Variants in CUX1 observed in about 807,000 individuals in gnomAD.
CUX1 encodes the protein cut like homeobox 1, also known as protein CASP.
CUX1 carries 31 observed loss-of-function variants against 158.8 expected under a neutral mutation model. The observed-to-expected ratio is 0.20, with a 90% CI of 0.15 to 0.26. CUX1 has a LOEUF of 0.26. Ranked by LOEUF, CUX1 falls within the 10% of genes least tolerant of loss-of-function variation. The pLI, the probability that CUX1 is intolerant of heterozygous loss-of-function variation, is 1.00. For missense variants in CUX1, 1,589 were observed against 2,014.6 expected, an observed-to-expected ratio of 0.79 and a Z score of 4.04; for synonymous variants, 879 against 862.1, an observed-to-expected ratio of 1.02 and a Z score of -0.34.
At chr7:102,059,587 G>A (rs1419913494) in intron 3 of CUX1, among the ~76,000 whole-genome samples, 6 of 148,710 alleles carry the variant, frequency 4.0e-5, no homozygotes, top group Admixed American at 6.8e-5. Flanking sequence ...AGCTGAGATC[G>A]TGCCACCTCA....
chr7:101,847,282 C>G (rs1795800912), intron 1 of CUX1, among the ~76,000 whole-genome samples: 1 of 152,164 alleles, frequency 6.6e-6, no homozygotes, highest in Non-Finnish European at 1.5e-5. Context: ...CTCTAGTGTG[C>G]TGGATTCATG....
intron 2 of CUX1, among the ~76,000 whole-genome samples, chr7:101,984,089 AATATATAT>A (rs1195893037): frequency 2.0e-3 from 59 of 29,762 alleles, no homozygotes; most frequent in Non-Finnish European, 2.8e-3. Context: ...AAAAAAAAAA[AATATATAT>A]ATATATATAT....
Position 102,195,533 on chromosome 7 carries a change from G to A in CUX1, c.1152G>A (p.Leu384=), listed in dbSNP as rs540305680. The A allele has an allele frequency of 5.0e-6, 8 of 1,612,986 alleles. No homozygotes were observed. In the South Asian group the frequency reaches 7.7e-5, roughly 16 times the overall value. Residue 384 remains leucine, a synonymous_variant, in exon 14 of 24, where the codon CTG becomes CTA. Transcript: ENST00000292535. ...TQDAAKPLEV[L]LLEKNRSLQS... Reference sequence around the variant, plus strand: ...ATGCGGCCAAGCCCCTGGAGGTGCTGTTGCTGGAGAAGAACCGCTCGCTGC... The same window carrying A: ...ATGCGGCCAAGCCCCTGGAGGTGCTATTGCTGGAGAAGAACCGCTCGCTGC...
In CUX1 at chr7:102,250,541, A is replaced by T; in HGVS notation, c.*1499A>T. 1 of 985,410 alleles carries T rather than the reference A, an allele frequency of 1.0e-6. No individual in the cohort carries two copies. Among genetic ancestry groups the T allele is most frequent in the Non-Finnish European group, 1.2e-6 (1 of 829,944 alleles). The allele number at this position is 985,410 out of a possible 1,614,324, so 61.0% of individuals were successfully genotyped here. A position where few individuals can be genotyped will look rare whatever the true frequency, so the allele number is the denominator to read the frequency against. On this transcript the variant is annotated 3_prime_UTR_variant, in exon 24 of 24. Coordinates refer to ENST00000292535, the MANE Select transcript of CUX1 (RefSeq NM_181552.4). ...GTGGGAAACTTCCTTTCTCTGCAGGAGAGAGAACGTGGCATTCTGGGCTCC... is the reference window on the plus strand; with the variant it reads ...GTGGGAAACTTCCTTTCTCTGCAGGTGAGAGAACGTGGCATTCTGGGCTCC...
chr7:101,872,430 G>A (rs188011489), intron 1 of CUX1, among the ~76,000 whole-genome samples: 7 of 152,176 alleles, frequency 4.6e-5, no homozygotes, highest in East Asian at 1.9e-4. Flanking sequence ...CACCGCGCCC[G>A]GCCCATAGAA....
At chr7:101,870,194 C>T (rs1363012664) in intron 1 of CUX1, among the ~76,000 whole-genome samples, 1 of 148,372 alleles carries the variant, frequency 6.7e-6, no homozygotes, top group Non-Finnish European at 1.5e-5. Context: ...CCCTTTGTCA[C>T]CCAGACCGTT....
intron 2 of CUX1, among the ~76,000 whole-genome samples, chr7:102,027,815 T>TGCAG (rs981196264): frequency 2.6e-5 from 4 of 152,160 alleles, no homozygotes; most frequent in African/African-American, 9.7e-5. Flanking sequence ...TGAGCCAGGG[T>TGCAG]TGTGCCACTG....
chr7:102,248,655 C>A lies in CUX1; in HGVS notation c.4131C>A (p.Pro1377=). The change falls in exon 24 of 24, where the codon CCC becomes CCA. Residue 1377 remains proline, a synonymous_variant. Coordinates refer to ENST00000292535, the MANE Select transcript of CUX1 (RefSeq NM_181552.4). This position sits in a 1 kb window ranked among gnomAD's most constrained non-coding sequence, Gnocchi z 5.8. ...CGGCGGAGCAGACGGAGCCGCCGCC[C>A]TCGGGGACCCCGGGCCCGGACGACG... is the stretch of plus-strand genomic sequence containing the variant. ...PRPAEQTEPP[P]SGTPGPDDAR... is the part of the protein sequence containing the mutation. The A allele has an allele frequency of 6.6e-6, 9 of 1,359,606 alleles. No homozygotes were observed. The highest frequency in any genetic ancestry group is 7.6e-6 in the Non-Finnish European group (8 of 1,058,466). 84.2% of individuals were successfully genotyped at this position (1,359,606 alleles called of 1,614,324 possible).
At chr7:101,894,408 G>C (rs1031107878) in intron 1 of CUX1, among the ~76,000 whole-genome samples, 5 of 152,192 alleles carry the variant, frequency 3.3e-5, no homozygotes, top group Non-Finnish European at 5.9e-5. Flanking sequence ...CCGCCTCCTG[G>C]GTTCACGCTA....
intron 1 of CUX1, among the ~76,000 whole-genome samples, chr7:101,876,423 G>A (rs923856734): frequency 5.3e-5 from 8 of 151,830 alleles, no homozygotes; most frequent in Non-Finnish European, 8.8e-5. Flanking sequence ...TCGGCTGGGC[G>A]CGCTGGCTCA....
chr7:102,047,664 G>A (rs532120491), intron 3 of CUX1, among the ~76,000 whole-genome samples: 29 of 152,196 alleles, frequency 1.9e-4, no homozygotes, highest in African/African-American at 2.9e-4. Context: ...ACTCATTTTC[G>A]TCTCCTGGAG....
At chr7:102,219,055 AACAC>A (rs3138788) in intron 20 of CUX1, among the ~76,000 whole-genome samples, 1,833 of 126,304 alleles carry the variant, frequency 0.015, 20 homozygotes, top group South Asian at 0.032. Context: ...CCTGCCTCAA[AACAC>A]ACACACACAC....
rs1477019661 is a variant in CUX1 at position 102,275,055 on chromosome 7, C to G, written c.1451-192C>G. On this transcript the variant is annotated intron_variant, in intron 16 of 22. Transcript: ENST00000292538. ...CAGGTCAGCCCCTGCCATCCATTCTCACGCTCCCCGGTTCCCCTGGCTGTC... is the reference window on the plus strand; with the variant it reads ...CAGGTCAGCCCCTGCCATCCATTCTGACGCTCCCCGGTTCCCCTGGCTGTC... Among the ~76,000 whole-genome samples the G allele has an allele frequency of 3.3e-5, 5 of 152,302 alleles. No individual in the cohort carries two copies. In the East Asian group the frequency reaches 9.6e-4, roughly 29 times the overall value.
At chr7:101,826,133 G>T (rs1375801177) in intron 1 of CUX1, among the ~76,000 whole-genome samples, 2 of 152,034 alleles carry the variant, frequency 1.3e-5, no homozygotes, top group African/African-American at 4.8e-5. Flanking sequence ...TTGCTTATTT[G>T]GGGGAGCTCC....
At chr7:102,220,058 G>A (rs1230517174) in intron 20 of CUX1, among the ~76,000 whole-genome samples, 1 of 152,164 alleles carries the variant, frequency 6.6e-6, no homozygotes. Flanking sequence ...CAAAATACAG[G>A]AGGCCAGGGC....
intron 3 of CUX1, among the ~76,000 whole-genome samples, chr7:102,030,137 A>G (rs999969182): frequency 6.6e-6 from 1 of 151,740 alleles, no homozygotes; most frequent in African/African-American, 2.4e-5. Context: ...TCAGCCTCCC[A>G]AGTAGCTGGG....
At chr7:101,914,376 C>CTCCCTCCCTCCCTCCCTCCCTCTT (rs1803904254) in intron 1 of CUX1, among the ~76,000 whole-genome samples, 2 of 101,324 alleles carry the variant, frequency 2.0e-5, no homozygotes, top group African/African-American at 7.0e-5. Flanking sequence ...CCTTCCCTCC[C>CTCCCTCCCTCCCTCCCTCCCTCTT]TCCCTCCCTC....
chr7:101,915,592 T>G (rs1298065602), intron 1 of CUX1, among the ~76,000 whole-genome samples: 1 of 152,184 alleles, frequency 6.6e-6, no homozygotes, highest in East Asian at 1.9e-4. Flanking sequence ...AAACATTTGT[T>G]GAATGAATAC....
intron 4 of CUX1, among the ~76,000 whole-genome samples, chr7:102,092,059 G>A (rs1443714409): frequency 2.0e-5 from 3 of 152,198 alleles, no homozygotes; most frequent in South Asian, 2.1e-4. Context: ...TCCATCTCTG[G>A]CCACTTCTTG....
Sources: gnomAD v4.1 joint callset for allele counts (sites outside exome capture counted in the v4.1 genomes callset) on GRCh38, gnomAD v4.1.1 for gene constraint, Gnocchi (gnomAD v3.1) non-coding constraint, MANE v1.5 for transcripts, NCBI Gene and HGNC (gene_info 2026-07-23, HGNC 2026-07-21) for gene names.